VGLL4: variants seen among roughly 807,000 people sequenced by gnomAD.
VGLL4 encodes vestigial like family member 4.
VGLL4 carries 7 observed loss-of-function variants against 21.0 expected under a neutral mutation model. That is an observed-to-expected ratio of 0.33 (90% CI 0.19 to 0.63). The LOEUF (loss-of-function observed/expected upper bound fraction) is 0.63. Among genes scored for constraint, VGLL4 ranks in the 20% least tolerant of loss-of-function variants. The pLI, the probability that VGLL4 is intolerant of heterozygous loss-of-function variation, is 0.78. For missense variants in VGLL4, 394 were observed against 425.7 expected (o/e 0.93, Z 0.66); for synonymous variants, 222 against 173.2 (o/e 1.28, Z -2.21).
At chr3:11,647,368 C>T (rs1559922182), upstream of VGLL4, among the ~76,000 whole-genome samples, 1 of 152,160 alleles carries the variant, frequency 6.6e-6, no homozygotes, top group Non-Finnish European at 1.5e-5. Flanking sequence ...CCCTCTTGTC[C>T]TGTGAAATCT....
intron 1 of VGLL4, among the ~76,000 whole-genome samples, chr3:11,608,068 C>T (rs2043575): frequency 0.94 from 142,551 of 152,298 alleles, 66,852 homozygotes; most frequent in African/African-American, 0.95. Flanking sequence ...AGAGGCTTTT[C>T]CCTCTTGTTC....
At chr3:11,621,768 T>C (rs1166051497) in intron 1 of VGLL4, among the ~76,000 whole-genome samples, 1 of 152,218 alleles carries the variant, frequency 6.6e-6, no homozygotes, top group Non-Finnish European at 1.5e-5. Flanking sequence ...TACACCATTT[T>C]ACATTCCCAC....
upstream of VGLL4, among the ~76,000 whole-genome samples, chr3:11,644,871 A>G (rs1394629710): frequency 6.6e-6 from 1 of 151,814 alleles, no homozygotes; most frequent in Non-Finnish European, 1.5e-5. Flanking sequence ...AAAGAAAAGA[A>G]AAAAAGGAGA....
intron 2 of VGLL4, among the ~76,000 whole-genome samples, chr3:11,572,745 C>T (rs762218443): frequency 2.0e-5 from 3 of 152,212 alleles, no homozygotes; most frequent in Non-Finnish European, 4.4e-5. Flanking sequence ...CATGTTCCAA[C>T]ACAGAGACCT....
chr3:11,704,106 C>T (rs1292103155), intron 1 of VGLL4, among the ~76,000 whole-genome samples: 1 of 152,070 alleles, frequency 6.6e-6, no homozygotes, highest in East Asian at 1.9e-4. Flanking sequence ...TTAGGTCGGG[C>T]GTGGTGGCTC....
intron 3 of VGLL4, among the ~76,000 whole-genome samples, chr3:11,560,073 G>A (rs1486771836): frequency 1.3e-5 from 2 of 151,732 alleles, no homozygotes; most frequent in African/African-American, 4.8e-5. Flanking sequence ...CCCCCACGCT[G>A]TCTGCCTGGC....
At chr3:11,603,305 T>G in intron 1 of VGLL4, among the ~76,000 whole-genome samples, 1 of 152,330 alleles carries the variant, frequency 6.6e-6, no homozygotes, top group Non-Finnish European at 1.5e-5. Flanking sequence ...CCAGGATTTC[T>G]TTTAAGGATT....
At chr3:11,678,654 C>T (rs756911483) in intron 2 of VGLL4, among the ~76,000 whole-genome samples, 10 of 152,134 alleles carry the variant, frequency 6.6e-5, no homozygotes, top group African/African-American at 2.4e-4. Context: ...GATCGCACCA[C>T]GGCACTACAG....
Position 11,558,778 on chromosome 3 carries a change from C to T in VGLL4, c.669G>A (p.Leu223=). 6.2e-7 allele frequency: 1 copy of T among 1,614,036 alleles called. No homozygotes were observed. The highest frequency in any genetic ancestry group is 1.7e-5 in the Admixed American group (1 of 60,024). ...PVVEEHFRRS[L]GKNYKEPEPA... is the part of the protein sequence containing the mutation. ...GCTCGGGCTCCTTGTAATTCTTGCC[C>T]AGGCTCCTGCGGAAATGCTCCTCCA... Residue 223 remains leucine, a synonymous_variant, in exon 5 of 5, where the codon CTG becomes CTA. Coordinates refer to ENST00000430365, the MANE Select transcript of VGLL4 (RefSeq NM_001128219.3).
At chr3:11,580,667 CACA>C in intron 2 of VGLL4, among the ~76,000 whole-genome samples, 1 of 152,264 alleles carries the variant, frequency 6.6e-6, no homozygotes, top group Non-Finnish European at 1.5e-5. Context: ...GGATCTTGTC[CACA>C]ACAATAACTG....
chr3:11,676,540 A>G (rs1391086295), intron 2 of VGLL4, among the ~76,000 whole-genome samples: 2 of 151,986 alleles, frequency 1.3e-5, no homozygotes, highest in Non-Finnish European at 2.9e-5. Flanking sequence ...TGAATCACAA[A>G]TCTTGAAAAG....
chr3:11,676,403 A>AAAAAT (rs2076291133), intron 2 of VGLL4, among the ~76,000 whole-genome samples: 3 of 33,094 alleles, frequency 9.1e-5, no homozygotes, highest in African/African-American at 2.1e-4. Flanking sequence ...TCAAAAAAAA[A>AAAAAT]AAAAAAATAA....
intron 3 of VGLL4, among the ~76,000 whole-genome samples, chr3:11,559,813 G>A (rs770103995): frequency 5.9e-5 from 9 of 152,160 alleles, no homozygotes; most frequent in South Asian, 2.1e-4. Flanking sequence ...TCCCGTTAAC[G>A]TCCCCAGAGC....
chr3:11,578,567 G>C (rs190521067), intron 2 of VGLL4, among the ~76,000 whole-genome samples: 49 of 148,178 alleles, frequency 3.3e-4, no homozygotes, highest in East Asian at 1.6e-3. Context: ...TAAAGTTACC[G>C]ATCTACCCTG....
At chr3:11,662,499 T>C (rs866621340) in intron 2 of VGLL4, among the ~76,000 whole-genome samples, 2 of 152,186 alleles carry the variant, frequency 1.3e-5, no homozygotes, top group African/African-American at 2.4e-5. Flanking sequence ...AAATCCAATA[T>C]GAAAACAACA....
chr3:11,573,721 T>C (rs2073946055), intron 2 of VGLL4, among the ~76,000 whole-genome samples: 1 of 152,240 alleles, frequency 6.6e-6, no homozygotes, highest in African/African-American at 2.4e-5. Context: ...TTCATACACT[T>C]ACTGACCATT....
intron 3 of VGLL4, among the ~76,000 whole-genome samples, chr3:11,561,611 T>A (rs1426991096): frequency 1.3e-5 from 2 of 152,138 alleles, no homozygotes; most frequent in Non-Finnish European, 2.9e-5. Context: ...CTCGTCCACC[T>A]AGAACGGGCC....
chr3:11,558,881 G>A, intron 4 of VGLL4, 54 bp from the exon 5 acceptor site: 1 of 1,587,730 alleles, frequency 6.3e-7, no homozygotes, highest in Non-Finnish European at 8.6e-7. Context: ...CAGACAGACA[G>A]GCACGGTTGC....
rs1049763831 is a variant in VGLL4, at chr3:11,568,816, C to T, written c.273-3797G>A. 62 of 1,427,206 alleles carry T rather than the reference C, an allele frequency of 4.3e-5. No individual in the cohort carries two copies. In the African/African-American group the frequency reaches 6.8e-4, roughly 16 times the overall value. 88.4% of individuals were successfully genotyped at this position (1,427,206 alleles called of 1,614,324 possible). ...CCCGAGAGAGCCCACGGCATCCCCG[C>T]GAACACCCAAAGGACTCTGAGTGGC... is the stretch of plus-strand genomic sequence containing the variant. On this transcript the variant is annotated intron_variant, in intron 2 of 4. Transcript: ENST00000430365. The surrounding 1 kb of genome is among the most constrained non-coding windows in gnomAD (Gnocchi z 5.9).
Sources: allele counts gnomAD v4.1 joint callset (sites outside exome capture counted in the v4.1 genomes callset), GRCh38; gene constraint gnomAD v4.1.1; non-coding constraint Gnocchi (gnomAD v3.1); transcripts MANE v1.5; gene names NCBI Gene and HGNC (gene_info 2026-07-23, HGNC 2026-07-21).